RAB6B: variants seen among roughly 807,000 people sequenced by gnomAD.
RAB6B encodes the protein RAB6B, member RAS oncogene family.
Under a neutral mutation model 31.2 loss-of-function variants are expected in RAB6B, and 7 were observed. The ratio of observed to expected loss-of-function variants is 0.22; its 90% CI spans 0.13 to 0.42. The LOEUF is 0.42. Among genes scored for constraint, RAB6B ranks in the 10% least tolerant of loss-of-function variants. The pLI is 1.00. For missense variants in RAB6B, 149 were observed against 280.6 expected (o/e 0.53, Z 3.35); for synonymous variants, 105 against 104.9 (o/e 1.00, Z -0.01).
intron 1 of RAB6B, 95 bp from the exon 2 acceptor site, chr3:133,864,737 A>C: frequency 1.1e-5 from 14 of 1,226,808 alleles, no homozygotes; most frequent in Non-Finnish European, 1.3e-5. Flanking sequence ...CAAAACCAAA[A>C]AGCACAGGGG....
chr3:133,850,456 A>T (rs1470516047), intron 2 of RAB6B, among the ~76,000 whole-genome samples: 1 of 152,252 alleles, frequency 6.6e-6, no homozygotes, highest in Admixed American at 6.5e-5. Flanking sequence ...ATAAGCTCAT[A>T]ATAAAGGCGC....
intron 2 of RAB6B, among the ~76,000 whole-genome samples, chr3:133,855,306 G>A (rs1469496891): frequency 6.6e-6 from 1 of 152,258 alleles, no homozygotes; most frequent in Admixed American, 6.5e-5. Flanking sequence ...GGGAGGGGAT[G>A]TTGGCTCAGA....
chr3:133,842,434 T>A (rs768249046), intron 2 of RAB6B, among the ~76,000 whole-genome samples: 1 of 152,242 alleles, frequency 6.6e-6, no homozygotes. Flanking sequence ...AGGACTGAGA[T>A]GCTGTCAATG....
At chr3:133,850,764 T>C (rs1369396789) in intron 2 of RAB6B, among the ~76,000 whole-genome samples, 1 of 151,900 alleles carries the variant, frequency 6.6e-6, no homozygotes, top group Non-Finnish European at 1.5e-5. Context: ...GTCTTCTGAG[T>C]GCAAAATGAG....
chr3:133,860,109 T>C (rs1936138613), intron 2 of RAB6B, among the ~76,000 whole-genome samples: 2 of 152,250 alleles, frequency 1.3e-5, no homozygotes, highest in South Asian at 2.1e-4. Context: ...CCAGTCCCCA[T>C]TGGGATCAGA....
At chr3:133,841,199 C>T (rs890750807) in intron 4 of RAB6B, 86 bp downstream of exon 4, 32 of 1,150,200 alleles carry the variant, frequency 2.8e-5, no homozygotes, top group Non-Finnish European at 3.9e-5. Context: ...CGTGTGCACA[C>T]ACATGCACAC....
chr3:133,881,260 G>A (rs1347700162), intron 1 of RAB6B, among the ~76,000 whole-genome samples: 4 of 152,190 alleles, frequency 2.6e-5, no homozygotes, highest in South Asian at 2.1e-4. Flanking sequence ...AGAGGAGACT[G>A]GAGCTGATCT....
At chr3:133,837,249 T>G (rs1435343382) in intron 6 of RAB6B, among the ~76,000 whole-genome samples, 1 of 152,186 alleles carries the variant, frequency 6.6e-6, no homozygotes, top group African/African-American at 2.4e-5. Flanking sequence ...TCCTTTGAAG[T>G]ATGTGAAATC....
intron 1 of RAB6B, among the ~76,000 whole-genome samples, chr3:133,890,835 A>G (rs1936628026): frequency 2.0e-5 from 3 of 152,218 alleles, no homozygotes; most frequent in African/African-American, 7.2e-5. Context: ...TACCTGAAAA[A>G]GTTAACATTT....
chr3:133,852,843 A>T (rs1420111790), intron 2 of RAB6B, among the ~76,000 whole-genome samples: 1 of 152,182 alleles, frequency 6.6e-6, no homozygotes, highest in Non-Finnish European at 1.5e-5. Context: ...AAGTGTTAGC[A>T]ATATCTGGCT....
At chr3:133,830,156 C>G (rs1433382621) in intron 7 of RAB6B, among the ~76,000 whole-genome samples, 1 of 152,238 alleles carries the variant, frequency 6.6e-6, no homozygotes. Context: ...CTGCCAGCTG[C>G]AGTTCTATGG....
chr3:133,850,650 T>C (rs1251147166), intron 2 of RAB6B, among the ~76,000 whole-genome samples: 1 of 151,660 alleles, frequency 6.6e-6, no homozygotes, highest in Non-Finnish European at 1.5e-5. Context: ...TGAGAAAAAT[T>C]TCATAAACAG....
At chr3:133,841,784 G>T in intron 2 of RAB6B, 121 bp from the exon 3 acceptor site, 2 of 912,818 alleles carry the variant, frequency 2.2e-6, no homozygotes, top group Non-Finnish European at 3.4e-6. Flanking sequence ...GGTCTAATGT[G>T]GCCATGCTCT....
At chr3:133,863,383 G>A (rs1164668624) in intron 2 of RAB6B, among the ~76,000 whole-genome samples, 1 of 152,210 alleles carries the variant, frequency 6.6e-6, no homozygotes, top group African/African-American at 2.4e-5. Context: ...CTAAAAAGTA[G>A]ATACAGAGCT....
intron 2 of RAB6B, among the ~76,000 whole-genome samples, chr3:133,861,619 G>A (rs1434837950): frequency 2.0e-5 from 3 of 152,228 alleles, no homozygotes; most frequent in Admixed American, 6.5e-5. Flanking sequence ...TCATGCCCTG[G>A]CTGAAGGCAG....
In RAB6B at chr3:133,828,117, G is replaced by A. The variant is rs1935601229; in HGVS notation, c.*671C>T. The A allele has an allele frequency of 6.3e-6, 4 of 634,208 alleles. No individual in the cohort carries two copies. The Admixed American group carries it at 6.8e-5, about 11-fold the overall frequency. The allele number at this position is 634,208 out of a possible 1,614,324, so 39.3% of individuals were successfully genotyped here. ...AGAGGTGGGAGCAGTTCCTCTGGGG[G>A]CTGCTGCCGGGCTGCCTAGAGCCCA... On this transcript the variant is annotated 3_prime_UTR_variant, in exon 8 of 8. Coordinates refer to ENST00000285208, the MANE Select transcript of RAB6B (RefSeq NM_016577.4).
intron 4 of RAB6B, among the ~76,000 whole-genome samples, chr3:133,840,005 CAT>C (rs1491232476): frequency 2.0e-4 from 31 of 151,990 alleles, no homozygotes; most frequent in Middle Eastern, 3.4e-3. Context: ...CACACACACA[CAT>C]GCGCGCGCGA....
intron 1 of RAB6B, among the ~76,000 whole-genome samples, chr3:133,866,837 G>A (rs1936243818): frequency 1.3e-5 from 2 of 152,252 alleles, no homozygotes; most frequent in South Asian, 2.1e-4. Context: ...GAAAGTTACT[G>A]CCTCCTTGGG....
In RAB6B at chr3:133,828,628, C is replaced by G; in HGVS notation, c.*160G>C. The G allele has an allele frequency of 1.4e-6, 1 of 738,438 alleles. No homozygotes were observed. The highest frequency in any genetic ancestry group is 1.5e-5 in the South Asian group (1 of 64,858). 45.7% of individuals were successfully genotyped at this position (738,438 alleles called of 1,614,324 possible). A position where few individuals can be genotyped will look rare whatever the true frequency, so the allele number is the denominator to read the frequency against. The stretch of plus-strand genomic sequence containing the variant: ...GTTAAGAGTGATGTGATCCCTGATG[C>G]CCAGCCTCCCTCCCCATCCCACCCT... On this transcript the variant is annotated 3_prime_UTR_variant, in exon 8 of 8. Coordinates refer to ENST00000285208, the MANE Select transcript of RAB6B (RefSeq NM_016577.4).
Sources: allele counts gnomAD v4.1 joint callset (sites outside exome capture counted in the v4.1 genomes callset), GRCh38; gene constraint gnomAD v4.1.1; transcripts MANE v1.5; gene names NCBI Gene and HGNC (gene_info 2026-07-23, HGNC 2026-07-21).